SLC26A7: variants seen among roughly 807,000 people sequenced by gnomAD.
SLC26A7 encodes anion exchange transporter.
Under a neutral mutation model 82.5 loss-of-function variants are expected in SLC26A7, and 59 were observed. The ratio of observed to expected loss-of-function variants is 0.72; its 90% confidence interval spans 0.58 to 0.89. The LOEUF is 0.89. Ranked by LOEUF, SLC26A7 falls within the 40% of genes least tolerant of loss-of-function variation. SLC26A7 has a pLI of 0.00. For synonymous variants in SLC26A7, 271 were observed against 274.3 expected (o/e 0.99, Z 0.12); for missense variants, 820 against 793.0 (o/e 1.03, Z -0.41).
intron 2 of SLC26A7, among the ~76,000 whole-genome samples, chr8:91,285,575 A>G (rs980210837): frequency 6.6e-5 from 10 of 152,254 alleles, no homozygotes; most frequent in African/African-American, 2.4e-4. Context: ...GGGGAACACA[A>G]TTCAACCCAT....
chr8:91,268,552 C>G (rs997235055), intron 2 of SLC26A7, among the ~76,000 whole-genome samples: 1 of 151,556 alleles, frequency 6.6e-6, no homozygotes, highest in African/African-American at 2.4e-5. Flanking sequence ...TTTTTGTAGG[C>G]AGGATATAGT....
intron 2 of SLC26A7, among the ~76,000 whole-genome samples, chr8:91,256,123 G>A (rs1810794049): frequency 6.6e-6 from 1 of 152,082 alleles, no homozygotes; most frequent in South Asian, 2.1e-4. Flanking sequence ...GAGGCCTATT[G>A]GAACCATCTT....
chr8:91,220,498 C>T (rs1810142646), intron 2 of SLC26A7, among the ~76,000 whole-genome samples: 1 of 152,018 alleles, frequency 6.6e-6, no homozygotes. Flanking sequence ...AGTCCCCTCC[C>T]CTCATCCCCT....
At chr8:91,389,834 G>C (rs898181179) in intron 16 of SLC26A7, among the ~76,000 whole-genome samples, 1 of 152,148 alleles carries the variant, frequency 6.6e-6, no homozygotes, top group African/African-American at 2.4e-5. Flanking sequence ...CTTACATCAC[G>C]GTTGGGTACA....
chr8:91,273,932 A>G (rs979293853), intron 2 of SLC26A7, among the ~76,000 whole-genome samples: 4 of 152,220 alleles, frequency 2.6e-5, no homozygotes, highest in African/African-American at 9.6e-5. Flanking sequence ...TGTATCTCTC[A>G]TGGAATTTAA....
rs562640156 is a variant in SLC26A7, at chr8:91,397,989, A to G, written c.*2892A>G. 2 of 152,660 alleles carry G rather than the reference A, an allele frequency of 1.3e-5. No individual in the cohort carries two copies. The highest frequency in any genetic ancestry group is 2.1e-4 in the South Asian group (1 of 4,820). 9.5% of individuals were successfully genotyped at this position (152,660 alleles called of 1,614,324 possible). On this transcript the variant is annotated 3_prime_UTR_variant, in exon 19 of 19. Coordinates refer to ENST00000276609, the MANE Select transcript of SLC26A7 (RefSeq NM_052832.4). ...TAGGGAGTTAAGTGGTACTTTCACA[A>G]TCCAAAGATTTTTAGTTAAAAATCA...
At chr8:91,394,814 C>T (rs1019935342) in intron 18 of SLC26A7, 8 of 877,182 alleles carry the variant, frequency 9.1e-6, no homozygotes, top group African/African-American at 6.9e-5. Context: ...ATAATTTAAC[C>T]CATTTTTAGA....
At chr8:91,296,130 G>T (rs1158678054) in intron 4 of SLC26A7, among the ~76,000 whole-genome samples, 1 of 152,128 alleles carries the variant, frequency 6.6e-6, no homozygotes. Context: ...TGATGTTATT[G>T]CTTACATCAG....
chr8:91,300,949 C>T (rs1812149647), intron 4 of SLC26A7, among the ~76,000 whole-genome samples: 1 of 152,066 alleles, frequency 6.6e-6, no homozygotes, highest in Non-Finnish European at 1.5e-5. Context: ...TTAATAGAAA[C>T]TAGAAAAAAT....
chr8:91,261,326 C>T (rs950503636), intron 2 of SLC26A7, among the ~76,000 whole-genome samples: 2 of 152,044 alleles, frequency 1.3e-5, no homozygotes, highest in Non-Finnish European at 2.9e-5. Context: ...TTCAGAAATG[C>T]GTACAAAAGT....
At chr8:91,366,494 A>G in intron 13 of SLC26A7, 86 bp from the exon 14 acceptor site, 4 of 1,434,204 alleles carry the variant, frequency 2.8e-6, no homozygotes, top group Non-Finnish European at 3.8e-6. Context: ...GAGATTGCTT[A>G]TAAAATTGAG....
intron 3 of SLC26A7, among the ~76,000 whole-genome samples, chr8:91,294,150 A>G (rs1418044143): frequency 6.6e-5 from 10 of 152,240 alleles, no homozygotes; most frequent in African/African-American, 2.2e-4. Context: ...AGAAAAACAT[A>G]CAATGATAGA....
chr8:91,249,765 A>G lies in SLC26A7; in HGVS notation c.114A>G (p.Ala38=), dbSNP rs760799891. 1 of 1,612,680 alleles carries G rather than the reference A, an allele frequency of 6.2e-7. No homozygotes were observed. Among genetic ancestry groups the G allele is most frequent in the Admixed American group, 1.7e-5 (1 of 59,788 alleles). Residue 38 remains alanine (A), a synonymous_variant, in exon 2 of 19, where the codon GCA becomes GCG. Coordinates refer to ENST00000276609, the MANE Select transcript of SLC26A7 (RefSeq NM_052832.4). ...CRRRLPILDW[A]PHYNLKENLL... ...GGCGACTGCCCATTTTGGATTGGGC[A>G]CCACATTACAATCTGAAAGAAAACT...
At chr8:91,368,824 C>T (rs964504191) in intron 14 of SLC26A7, among the ~76,000 whole-genome samples, 2 of 152,144 alleles carry the variant, frequency 1.3e-5, no homozygotes, top group African/African-American at 4.8e-5. Context: ...ATCACCAGCC[C>T]TGAGATGTAA....
intron 5 of SLC26A7, among the ~76,000 whole-genome samples, chr8:91,320,583 A>C (rs554166864): frequency 2.0e-5 from 3 of 152,318 alleles, no homozygotes; most frequent in South Asian, 2.1e-4. Context: ...CACAGGTTGC[A>C]GTGGGATATT....
At chr8:91,376,505 G>A (rs1037139858) in intron 15 of SLC26A7, among the ~76,000 whole-genome samples, 1 of 152,126 alleles carries the variant, frequency 6.6e-6, no homozygotes, top group Admixed American at 6.6e-5. Context: ...CCTTGGTTGT[G>A]GACAGCTTCT....
intron 5 of SLC26A7, among the ~76,000 whole-genome samples, chr8:91,330,127 A>C (rs890091090): frequency 6.6e-6 from 1 of 152,150 alleles, no homozygotes; most frequent in African/African-American, 2.4e-5. Context: ...ATCTGATTAC[A>C]TAACTAGTGG....
chr8:91,374,603 A>G (rs1455970671), intron 15 of SLC26A7, among the ~76,000 whole-genome samples: 1 of 151,818 alleles, frequency 6.6e-6, no homozygotes, highest in Non-Finnish European at 1.5e-5. Context: ...GCTTGATATG[A>G]TTTGATTTTT....
intron 15 of SLC26A7, among the ~76,000 whole-genome samples, chr8:91,382,256 C>T (rs1450299529): frequency 6.6e-6 from 1 of 152,118 alleles, no homozygotes; most frequent in Non-Finnish European, 1.5e-5. Context: ...TGGTTTCCTT[C>T]TGAGGATCAA....
Sources: allele counts gnomAD v4.1 joint callset (sites outside exome capture counted in the v4.1 genomes callset), GRCh38; gene constraint gnomAD v4.1.1; transcripts MANE v1.5; gene names NCBI Gene and HGNC (gene_info 2026-07-23, HGNC 2026-07-21).